NALCN: variants seen among roughly 807,000 people sequenced by gnomAD.
NALCN encodes the protein sodium leak channel, non-selective, also known as sodium leak channel NALCN.
NALCN carries 111 observed loss-of-function variants against 225.3 expected under a neutral mutation model. That is an observed-to-expected ratio of 0.49 (90% confidence interval 0.42 to 0.58). The LOEUF (loss-of-function observed/expected upper bound fraction) is 0.58, where lower values mean the gene tolerates loss of function less well. NALCN is among the 20% of genes least tolerant of loss of function. The probability of loss-of-function intolerance (pLI) is 0.00; values close to 1 mark genes in which losing one functional copy is unlikely to be tolerated. For missense variants in NALCN, 1,378 were observed against 2,202.4 expected (o/e 0.63, Z 7.49); for synonymous variants, 764 against 769.0 (o/e 0.99, Z 0.11).
chr13:101,093,801 C>G (rs963697701), intron 28 of NALCN, among the ~76,000 whole-genome samples: 1 of 152,152 alleles, frequency 6.6e-6, no homozygotes, highest in Admixed American at 6.5e-5. Context: ...TTACATCCAA[C>G]TGATCCTATA....
chr13:101,393,128 G>A (rs11617026), intron 3 of NALCN, among the ~76,000 whole-genome samples: 9,269 of 152,156 alleles, frequency 0.061, 383 homozygotes, highest in Admixed American at 0.11. Context: ...TATCACAAAC[G>A]GCTGATACTT....
chr13:101,305,120 T>C (rs1427889768), intron 7 of NALCN, among the ~76,000 whole-genome samples: 1 of 152,230 alleles, frequency 6.6e-6, no homozygotes. Context: ...CGGCATTATA[T>C]ACCTGACGGT....
At position 101,144,759 on chromosome 13, in the gene NALCN, C is replaced by A; in HGVS notation, c.1976+1G>T. On this transcript the variant is annotated splice_donor_variant, in intron 16 of 43. Coordinates refer to ENST00000251127, the MANE Select transcript of NALCN (RefSeq NM_052867.4). LOFTEE classifies it high-confidence loss of function. Reference sequence around the variant, plus strand: ...ATGCAATTAAAGAAGTATTTTGGTACCTGATTTTAGGAACTGTAAAATCTG... The same window carrying A: ...ATGCAATTAAAGAAGTATTTTGGTAACTGATTTTAGGAACTGTAAAATCTG... 1 of 1,603,602 alleles carries A rather than the reference C, an allele frequency of 6.2e-7. No homozygotes were observed. The highest frequency in any genetic ancestry group is 8.5e-7 in the Non-Finnish European group (1 of 1,176,740).
At chr13:101,220,065 C>T (rs2040878361) in intron 13 of NALCN, among the ~76,000 whole-genome samples, 1 of 152,196 alleles carries the variant, frequency 6.6e-6, no homozygotes. Context: ...CATGTGCTTC[C>T]ACACTTTATT....
intron 26 of NALCN, among the ~76,000 whole-genome samples, chr13:101,101,886 C>T (rs1370614063): frequency 6.6e-6 from 1 of 152,140 alleles, no homozygotes; most frequent in African/African-American, 2.4e-5. Context: ...ACAAATTCTC[C>T]TCTAAAATTT....
rs2041791574 is a variant in NALCN, at chr13:101,242,749, CA to C, written c.1267-4828del. ...TTAAAGTAGTTTTCTCAAATAAATA[CA>C]AAGGGTTTTATGCTCTCTTAGTCCT... On this transcript the variant is annotated intron_variant, in intron 11 of 43. Transcript: ENST00000251127. Among the ~76,000 whole-genome samples, 2 of 106,072 alleles carry C rather than the reference CA, an allele frequency of 1.9e-5. 1 individual carries two copies. Among genetic ancestry groups the C allele is most frequent in the Non-Finnish European group, 4.2e-5 (2 of 47,462 alleles). The allele number at this position is 106,072 out of a possible 152,430, so 69.6% of individuals were successfully genotyped here. A position where few individuals can be genotyped will look rare whatever the true frequency, so the allele number is the denominator to read the frequency against.
At chr13:101,310,326 C>A (rs2139139268) in intron 7 of NALCN, among the ~76,000 whole-genome samples, 1 of 152,242 alleles carries the variant, frequency 6.6e-6, no homozygotes, top group Non-Finnish European at 1.5e-5. Flanking sequence ...AATCGTATTC[C>A]CTTTCTCTTT....
intron 15 of NALCN, among the ~76,000 whole-genome samples, chr13:101,155,417 C>T (rs965523530): frequency 1.3e-5 from 2 of 152,100 alleles, no homozygotes; most frequent in Non-Finnish European, 1.5e-5. Context: ...TTGATGGTTT[C>T]GAGGAGTATC....
chr13:101,200,752 T>C (rs1207345253), intron 13 of NALCN, among the ~76,000 whole-genome samples: 4 of 152,142 alleles, frequency 2.6e-5, no homozygotes, highest in African/African-American at 9.7e-5. Flanking sequence ...ATATCTCTAA[T>C]AGACTTCCTT....
At chr13:101,405,853 A>T (rs1374002812) in intron 1 of NALCN, among the ~76,000 whole-genome samples, 1 of 152,188 alleles carries the variant, frequency 6.6e-6, no homozygotes, top group African/African-American at 2.4e-5. Context: ...GCACACACAC[A>T]TATACCCCAT....
At chr13:101,290,701 G>A (rs2139042362) in intron 9 of NALCN, among the ~76,000 whole-genome samples, 1 of 152,290 alleles carries the variant, frequency 6.6e-6, no homozygotes, top group Non-Finnish European at 1.5e-5. Flanking sequence ...AAATTAGTGT[G>A]TTTAATTGCA....
intron 6 of NALCN, among the ~76,000 whole-genome samples, chr13:101,349,604 G>T (rs1368116240): frequency 6.6e-6 from 1 of 150,728 alleles, no homozygotes; most frequent in Non-Finnish European, 1.5e-5. Flanking sequence ...GGCTTTGAAG[G>T]TGCTGGTTTG....
At chr13:101,143,281 A>T in intron 16 of NALCN, 60 bp from the exon 17 acceptor site, 2 of 1,503,504 alleles carry the variant, frequency 1.3e-6, no homozygotes, top group South Asian at 2.8e-5. Flanking sequence ...AAGTGACAGC[A>T]TTTTGCAATG....
At chr13:101,082,545 T>C (rs1185858054) in intron 33 of NALCN, among the ~76,000 whole-genome samples, 1 of 152,204 alleles carries the variant, frequency 6.6e-6, no homozygotes, top group Non-Finnish European at 1.5e-5. Context: ...CCATTCCCTC[T>C]AAATATCAGA....
At chr13:101,074,442 A>G (rs1362098513) in intron 36 of NALCN, 72 bp downstream of exon 36, 1 of 1,372,580 alleles carries the variant, frequency 7.3e-7, no homozygotes, top group East Asian at 2.5e-5. Flanking sequence ...GACAAAAAAC[A>G]TTTGTTTATT....
intron 7 of NALCN, among the ~76,000 whole-genome samples, chr13:101,296,468 T>C (rs1594624603): frequency 6.6e-6 from 1 of 152,190 alleles, no homozygotes; most frequent in Non-Finnish European, 1.5e-5. Flanking sequence ...TAAAAACCCA[T>C]GCTATACACA....
intron 17 of NALCN, among the ~76,000 whole-genome samples, chr13:101,138,652 T>G (rs2036919267): frequency 6.6e-6 from 1 of 152,162 alleles, no homozygotes. Flanking sequence ...CACAGAACCA[T>G]CCTCAGGCCA....
At chr13:101,276,197 T>C (rs2042969568) in intron 10 of NALCN, among the ~76,000 whole-genome samples, 1 of 151,308 alleles carries the variant, frequency 6.6e-6, no homozygotes, top group Admixed American at 6.6e-5. Context: ...GGGAGGGGGT[T>C]TTTCAGGGGT....
intron 30 of NALCN, among the ~76,000 whole-genome samples, chr13:101,085,855 T>C (rs949456503): frequency 4.6e-5 from 7 of 152,184 alleles, no homozygotes; most frequent in African/African-American, 1.4e-4. Context: ...GATCTCAGCA[T>C]AGCTCTTTAC....
Sources: gnomAD v4.1 joint callset for allele counts (sites outside exome capture counted in the v4.1 genomes callset) on GRCh38, gnomAD v4.1.1 for gene constraint, MANE v1.5 for transcripts, NCBI Gene and HGNC (gene_info 2026-07-23, HGNC 2026-07-21) for gene names.